Variants in NCKAP5 observed in about 807,000 individuals in gnomAD.
The protein encoded by NCKAP5 is NCK associated protein 5, also known as nck-associated protein 5.
NCKAP5 carries 92 observed loss-of-function variants against 167.0 expected under a neutral mutation model. That is an observed-to-expected ratio of 0.55 (90% CI 0.47 to 0.66). The LOEUF is 0.66. Among genes scored for constraint, NCKAP5 ranks in the 30% least tolerant of loss-of-function variants. The pLI, the probability that NCKAP5 is intolerant of heterozygous loss-of-function variation, is 0.00. For synonymous variants in NCKAP5, 891 were observed against 877.4 expected (o/e 1.02, Z -0.27); for missense variants, 2,378 against 2,315.0 (o/e 1.03, Z -0.56).
intron 3 of NCKAP5, among the ~76,000 whole-genome samples, chr2:133,483,839 AT>A (rs1041835798): frequency 2.0e-5 from 3 of 152,198 alleles, no homozygotes; most frequent in African/African-American, 7.2e-5. Context: ...TTGAAGCAGA[AT>A]TTCTGGCAAG....
chr2:132,914,294 A>T (rs1694690007), intron 8 of NCKAP5, among the ~76,000 whole-genome samples: 1 of 152,174 alleles, frequency 6.6e-6, no homozygotes, highest in Non-Finnish European at 1.5e-5. Context: ...GTTTCTTTTT[A>T]AATTAATACA....
intron 11 of NCKAP5, among the ~76,000 whole-genome samples, chr2:132,839,100 A>G (rs1378634375): frequency 6.6e-6 from 1 of 152,128 alleles, no homozygotes; most frequent in African/African-American, 2.4e-5. Flanking sequence ...TTTGTATATT[A>G]TAGATGTTTG....
intron 3 of NCKAP5, among the ~76,000 whole-genome samples, chr2:133,312,654 TC>T (rs769780805): frequency 1.3e-5 from 2 of 152,216 alleles, no homozygotes; most frequent in South Asian, 2.1e-4. Flanking sequence ...AAGTGATAGT[TC>T]TTAGAGCACC....
At chr2:133,538,054 C>T (rs1414051096) in intron 2 of NCKAP5, among the ~76,000 whole-genome samples, 2 of 152,142 alleles carry the variant, frequency 1.3e-5, no homozygotes, top group African/African-American at 4.8e-5. Context: ...TTAATATTTG[C>T]ATTTCATTCC....
intron 4 of NCKAP5, among the ~76,000 whole-genome samples, chr2:133,245,566 T>C (rs563055561): frequency 1.3e-5 from 2 of 152,156 alleles, no homozygotes; most frequent in Non-Finnish European, 2.9e-5. Context: ...GTTTTCACTT[T>C]GTGAAAAACC....
At chr2:133,147,582 C>A (rs2083245059) in intron 5 of NCKAP5, among the ~76,000 whole-genome samples, 1 of 152,096 alleles carries the variant, frequency 6.6e-6, no homozygotes, top group South Asian at 2.1e-4. Context: ...TACAATCTTT[C>A]ATGGAGACAC....
chr2:133,312,089 G>A (rs1436606839), intron 3 of NCKAP5, among the ~76,000 whole-genome samples: 1 of 152,170 alleles, frequency 6.6e-6, no homozygotes, highest in Non-Finnish European at 1.5e-5. Context: ...CTTTCAAATG[G>A]AGAGATAACT....
intron 8 of NCKAP5, among the ~76,000 whole-genome samples, chr2:132,956,517 A>G (rs1290965876): frequency 6.6e-6 from 1 of 152,142 alleles, no homozygotes; most frequent in African/African-American, 2.4e-5. Context: ...TCATTCTTGC[A>G]TTCATACTTC....
At chr2:133,397,802 T>C (rs921248853) in intron 3 of NCKAP5, among the ~76,000 whole-genome samples, 1 of 152,208 alleles carries the variant, frequency 6.6e-6, no homozygotes, top group Admixed American at 6.5e-5. Context: ...CTAATTTGCA[T>C]AGGGCACTGC....
At chr2:132,900,940 C>A (rs192658297) in intron 8 of NCKAP5, among the ~76,000 whole-genome samples, 1 of 125,748 alleles carries the variant, frequency 8.0e-6, no homozygotes, top group Non-Finnish European at 1.6e-5. Flanking sequence ...CACTCCAGAC[C>A]GGGTGACAGA....
intron 7 of NCKAP5, among the ~76,000 whole-genome samples, chr2:132,977,752 ACTT>A (rs1032337532): frequency 5.7e-4 from 87 of 152,320 alleles, no homozygotes; most frequent in African/African-American, 1.9e-3. Context: ...AGAAGACTAC[ACTT>A]CTTCTAGTAC....
rs577180456 is a variant in NCKAP5, at chr2:132,745,212, T to A, written c.5129-13161A>T. ...AAATGGATGCAAGAATGTTTAATAA[T>A]TGATTTGCTATTAAGCATTTTTGCA... On this transcript the variant is annotated intron_variant, in intron 16 of 19. Coordinates refer to ENST00000409261, the MANE Select transcript of NCKAP5 (RefSeq NM_207363.3). Among the ~76,000 whole-genome samples the A allele has an allele frequency of 1.0e-3, 153 of 151,986 alleles. 1 individual carries two copies. Among genetic ancestry groups the A allele is most frequent in the Non-Finnish European group, 1.8e-3 (124 of 67,768 alleles).
intron 4 of NCKAP5, among the ~76,000 whole-genome samples, chr2:133,255,640 C>T (rs539584051): frequency 6.6e-6 from 1 of 152,150 alleles, no homozygotes; most frequent in African/African-American, 2.4e-5. Flanking sequence ...TACAAGATGT[C>T]CCATAAAGAC....
intron 6 of NCKAP5, among the ~76,000 whole-genome samples, chr2:133,044,532 G>A (rs777042140): frequency 6.6e-5 from 10 of 152,074 alleles, no homozygotes; most frequent in Non-Finnish European, 1.3e-4. Context: ...ATGATATCAT[G>A]TCACAAACAA....
chr2:133,349,065 C>T (rs1051611963), intron 3 of NCKAP5, among the ~76,000 whole-genome samples: 2 of 152,186 alleles, frequency 1.3e-5, no homozygotes, highest in African/African-American at 4.8e-5. Flanking sequence ...CTATCTTACA[C>T]TCCTTAACAA....
chr2:132,804,685 A>C (rs1685296839), intron 11 of NCKAP5, among the ~76,000 whole-genome samples: 1 of 152,130 alleles, frequency 6.6e-6, no homozygotes. Flanking sequence ...CTGTGGGGGG[A>C]AGAGACACTC....
the NCKAP5 span, among the ~76,000 whole-genome samples, chr2:133,576,697 A>C: frequency 6.6e-6 from 1 of 152,354 alleles, no homozygotes; most frequent in Non-Finnish European, 1.5e-5. Context: ...AGAGGGGGTA[A>C]CTAAGATTGT....
intron 19 of NCKAP5, among the ~76,000 whole-genome samples, chr2:132,701,474 A>C (rs1260151211): frequency 6.6e-6 from 1 of 152,178 alleles, no homozygotes; most frequent in Non-Finnish European, 1.5e-5. Context: ...ATAGCTAATT[A>C]ATTGCAAAAC....
chr2:133,197,003 T>C (rs936480244), intron 5 of NCKAP5, among the ~76,000 whole-genome samples: 3 of 152,048 alleles, frequency 2.0e-5, no homozygotes, highest in African/African-American at 7.2e-5. Flanking sequence ...AATACCTTTT[T>C]CCCCCTCTCT....
Sources: allele counts gnomAD v4.1 joint callset (sites outside exome capture counted in the v4.1 genomes callset), GRCh38; gene constraint gnomAD v4.1.1; transcripts MANE v1.5; gene names NCBI Gene and HGNC (gene_info 2026-07-23, HGNC 2026-07-21).